RBFOX3: variants seen among roughly 807,000 people sequenced by gnomAD.
The protein encoded by RBFOX3 is RNA binding protein fox-1 homolog 3.
In RBFOX3, 17 loss-of-function variants were observed where a neutral mutation model predicts 48.7. That is an observed-to-expected ratio of 0.35 (90% CI 0.24 to 0.52). The LOEUF is 0.52. Among genes scored for constraint, RBFOX3 ranks in the 20% least tolerant of loss-of-function variants. The pLI is 0.94. For synonymous variants in RBFOX3, 212 were observed against 209.5 expected (o/e 1.01, Z -0.10); for missense variants, 382 against 497.5 (o/e 0.77, Z 2.21).
chr17:79,348,571 C>CT (rs71358701), intron 2 of RBFOX3, among the ~76,000 whole-genome samples: 23,903 of 75,168 alleles, frequency 0.32, 5,459 homozygotes, highest in East Asian at 0.39. Context: ...TTTTCTTTTC[C>CT]TTTTTTTTTT....
chr17:79,345,310 A>C (rs2082725603), intron 2 of RBFOX3, among the ~76,000 whole-genome samples: 1 of 152,156 alleles, frequency 6.6e-6, no homozygotes, highest in African/African-American at 2.4e-5. Flanking sequence ...GTCTGTAGTG[A>C]TGTCCCCTGC....
chr17:79,562,889 C>G (rs1034164703), intron 1 of RBFOX3, among the ~76,000 whole-genome samples: 1 of 152,244 alleles, frequency 6.6e-6, no homozygotes, highest in South Asian at 2.1e-4. Context: ...GCAGGAAAGA[C>G]TCGACAGAGC....
At chr17:79,641,835 G>A in the RBFOX3 span, among the ~76,000 whole-genome samples, 1 of 152,132 alleles carries the variant, frequency 6.6e-6, no homozygotes, top group Non-Finnish European at 1.5e-5. Flanking sequence ...GAGTTCTCAT[G>A]AGACCTGGTT....
chr17:79,140,959 C>A (rs2041799928), intron 4 of RBFOX3, among the ~76,000 whole-genome samples: 2 of 152,110 alleles, frequency 1.3e-5, no homozygotes, highest in African/African-American at 4.8e-5. Context: ...TGCTGAAGAC[C>A]CTTGCTGGGT....
At chr17:79,377,632 G>A (rs28360927) in intron 2 of RBFOX3, among the ~76,000 whole-genome samples, 4 of 152,024 alleles carry the variant, frequency 2.6e-5, no homozygotes, top group Non-Finnish European at 5.9e-5. Context: ...GAGCCAGAAC[G>A]GCATTGTGTC....
At chr17:79,472,892 G>A (rs1203553853) in intron 2 of RBFOX3, among the ~76,000 whole-genome samples, 1 of 152,126 alleles carries the variant, frequency 6.6e-6, no homozygotes, top group Non-Finnish European at 1.5e-5. Context: ...ATTCATTCTG[G>A]ACCTACATTT....
At chr17:79,398,418 A>G (rs1221687328) in intron 2 of RBFOX3, among the ~76,000 whole-genome samples, 2 of 152,126 alleles carry the variant, frequency 1.3e-5, no homozygotes, top group Admixed American at 6.5e-5. Flanking sequence ...GCCTGGCAGG[A>G]GGACACAGCC....
intron 4 of RBFOX3, among the ~76,000 whole-genome samples, chr17:79,131,063 G>A (rs1222930733): frequency 1.3e-5 from 2 of 151,856 alleles, no homozygotes; most frequent in Non-Finnish European, 2.9e-5. Context: ...TGTACCGTGA[G>A]CCATGTGCTG....
chr17:79,572,883 C>T (rs2092728299), intron 1 of RBFOX3, among the ~76,000 whole-genome samples: 1 of 151,816 alleles, frequency 6.6e-6, no homozygotes. Flanking sequence ...CCCACCCTCA[C>T]CCCATGCAGG....
intron 4 of RBFOX3, among the ~76,000 whole-genome samples, chr17:79,120,731 T>C (rs1157994686): frequency 2.9e-5 from 4 of 138,574 alleles, no homozygotes; most frequent in Non-Finnish European, 6.2e-5. Flanking sequence ...GGTGGGTGGG[T>C]GGATGGATGG....
intron 1 of RBFOX3, among the ~76,000 whole-genome samples, chr17:79,489,431 A>T (rs987183024): frequency 6.6e-6 from 1 of 152,076 alleles, no homozygotes; most frequent in South Asian, 2.1e-4. Context: ...AGTAGCTGGG[A>T]CTACAGGTGT....
chr17:79,656,770 G>A, the RBFOX3 span, among the ~76,000 whole-genome samples: 335 of 32,542 alleles, frequency 0.01, 10 homozygotes, highest in Middle Eastern at 0.019. Flanking sequence ...AGGAAGGAAG[G>A]AAGGAAGGAA....
intron 14 of RBFOX3, among the ~76,000 whole-genome samples, chr17:79,093,791 CCACACACACACACACACACA>C (rs60453390): frequency 1.5e-3 from 223 of 143,934 alleles, no homozygotes; most frequent in African/African-American, 5.4e-3. Context: ...CAACAGCTGG[CCACACACACACACACACACA>C]CACACACACA....
Position 79,198,083 on chromosome 17 carries a change from G to A in RBFOX3, c.-34+37683C>T, listed in dbSNP as rs1011411497. Among the ~76,000 whole-genome samples, 12 of 147,808 alleles carry A rather than the reference G, an allele frequency of 8.1e-5. No homozygotes were observed. The highest frequency in any genetic ancestry group is 1.8e-4 in the African/African-American group (7 of 39,216). On this transcript the variant is annotated intron_variant, in intron 4 of 14. Transcript: ENST00000693108. The surrounding 1 kb of genome is among the most constrained non-coding windows in gnomAD (Gnocchi z 8.2). ...TCGTGTGGGGTGGGCTTGTCATCCCGGAAGTGCTACGGTTGCATCGTGTGG... is the reference window on the plus strand; with the variant it reads ...TCGTGTGGGGTGGGCTTGTCATCCCAGAAGTGCTACGGTTGCATCGTGTGG...
intron 3 of RBFOX3, among the ~76,000 whole-genome samples, chr17:79,277,309 G>GGT: frequency 7.0e-6 from 1 of 142,010 alleles, no homozygotes; most frequent in Non-Finnish European, 1.5e-5. Context: ...GGGGAGGGGG[G>GGT]GGGTAGTGCT....
At chr17:79,107,575 G>A (rs536949786) in intron 5 of RBFOX3, among the ~76,000 whole-genome samples, 3 of 152,338 alleles carry the variant, frequency 2.0e-5, no homozygotes, top group South Asian at 2.1e-4. Flanking sequence ...GTGAGCTCAC[G>A]GCAAGGCTGG....
At chr17:79,506,310 T>C (rs915686422) in intron 1 of RBFOX3, among the ~76,000 whole-genome samples, 15 of 152,304 alleles carry the variant, frequency 9.8e-5, no homozygotes, top group African/African-American at 3.6e-4. Context: ...GGCTTGGCTG[T>C]GTGGCTCTTC....
At chr17:79,393,955 G>A (rs11650169) in intron 2 of RBFOX3, among the ~76,000 whole-genome samples, 9 of 144,322 alleles carry the variant, frequency 6.2e-5, no homozygotes, top group East Asian at 2.1e-4. Context: ...CATCTGAGCC[G>A]GTCACCACGC....
chr17:79,110,440 T>G (rs1236557141), intron 5 of RBFOX3, among the ~76,000 whole-genome samples: 7 of 152,220 alleles, frequency 4.6e-5, no homozygotes, highest in Non-Finnish European at 1.5e-5. Flanking sequence ...CTGGTAGACC[T>G]AGGCAGACCC....
Sources: allele counts gnomAD v4.1 joint callset (sites outside exome capture counted in the v4.1 genomes callset), GRCh38; gene constraint gnomAD v4.1.1; non-coding constraint Gnocchi (gnomAD v3.1); transcripts MANE v1.5; gene names NCBI Gene and HGNC (gene_info 2026-07-23, HGNC 2026-07-21).